CAMK1D: variants seen among roughly 807,000 people sequenced by gnomAD.
CAMK1D encodes the protein calcium/calmodulin-dependent protein kinase type 1D.
Under a neutral mutation model 47.7 loss-of-function variants are expected in CAMK1D, and 9 were observed. The observed-to-expected ratio is 0.19, with a 90% CI of 0.11 to 0.33. The LOEUF is 0.33. Among genes scored for constraint, CAMK1D ranks in the 10% least tolerant of loss-of-function variants. The pLI is 1.00. For synonymous variants in CAMK1D, 184 were observed against 184.9 expected, an observed-to-expected ratio of 0.99 and a Z score of 0.04; for missense variants, 291 against 488.7, an observed-to-expected ratio of 0.60 and a Z score of 3.81.
chr10:12,389,153 CTCCAGATTTAAGTGT>C (rs1381728385), intron 1 of CAMK1D, among the ~76,000 whole-genome samples: 6 of 151,588 alleles, frequency 4.0e-5, no homozygotes, highest in Admixed American at 2.0e-4. Context: ...ATTCCACCAG[CTCCAGATTTAAGTGT>C]TCTCTATGCT....
chr10:12,476,476 G>C (rs1833906463), intron 1 of CAMK1D, among the ~76,000 whole-genome samples: 5 of 152,080 alleles, frequency 3.3e-5, no homozygotes, highest in Admixed American at 3.3e-4. Flanking sequence ...GCAGGGTAAA[G>C]ATAATTACAA....
At chr10:12,425,513 C>T (rs1031423747) in intron 1 of CAMK1D, among the ~76,000 whole-genome samples, 15 of 152,136 alleles carry the variant, frequency 9.9e-5, no homozygotes, top group Middle Eastern at 3.2e-3. Context: ...AACTCCTGAC[C>T]TCGGGTGAAC....
intron 3 of CAMK1D, 153 bp downstream of exon 3, chr10:12,666,963 T>A: frequency 1.6e-6 from 1 of 641,386 alleles, no homozygotes; most frequent in Non-Finnish European, 2.8e-6. Flanking sequence ...TGTATCCAAC[T>A]AAAGACGGTG....
At chr10:12,479,007 C>T (rs1833983731) in intron 1 of CAMK1D, among the ~76,000 whole-genome samples, 1 of 152,170 alleles carries the variant, frequency 6.6e-6, no homozygotes, top group Non-Finnish European at 1.5e-5. Context: ...GCCCAATTAA[C>T]TCTTTTTTTA....
At chr10:12,645,354 G>T (rs1839783347) in intron 2 of CAMK1D, among the ~76,000 whole-genome samples, 1 of 152,148 alleles carries the variant, frequency 6.6e-6, no homozygotes, top group Non-Finnish European at 1.5e-5. Flanking sequence ...GTCTTCACTT[G>T]CTGTCTGTAT....
chr10:12,680,057 A>G (rs1010375501), intron 3 of CAMK1D, among the ~76,000 whole-genome samples: 1 of 152,206 alleles, frequency 6.6e-6, no homozygotes, highest in African/African-American at 2.4e-5. Flanking sequence ...AATCTGTACT[A>G]ATCATTACAC....
chr10:12,583,712 C>T (rs1465717270), intron 2 of CAMK1D, among the ~76,000 whole-genome samples: 5 of 151,964 alleles, frequency 3.3e-5, no homozygotes, highest in Non-Finnish European at 5.9e-5. Flanking sequence ...AGTGATTCTC[C>T]TGCCTCAGCC....
Position 12,365,647 on chromosome 10 carries a change from C to T in CAMK1D, c.92+15737C>T, listed in dbSNP as rs895757718. 2.0e-5 allele frequency among the ~76,000 whole-genome samples: 3 copies of T among 151,782 alleles called. No individual in the cohort carries two copies. In the South Asian group the frequency reaches 6.3e-4, roughly 32 times the overall value. On this transcript the variant is annotated intron_variant, in intron 1 of 10. Coordinates refer to ENST00000619168, the MANE Select transcript of CAMK1D (RefSeq NM_153498.4). ...TAGAGACAGGGTTTCACCGTGTTAG[C>T]CAGGATGGTCTCGATCTGCTGACCT...
rs1201816101 is a variant in CAMK1D at position 12,448,209 on chromosome 10, A to AT, written c.92+98306dup. ...TATTTTTACTTATTTTTATTTATTT[A>AT]TTTTTTTGTTTCTCTATATTGCCCA... On this transcript the variant is annotated intron_variant, in intron 1 of 10. Coordinates refer to ENST00000619168, the MANE Select transcript of CAMK1D (RefSeq NM_153498.4). 2.3e-5 allele frequency among the ~76,000 whole-genome samples: 3 copies of AT among 132,568 alleles called. No homozygotes were observed. In the South Asian group the frequency reaches 7.3e-4, roughly 32 times the overall value. The allele number at this position is 132,568 out of a possible 152,430, so 87.0% of individuals were successfully genotyped here.
At chr10:12,545,442 C>A (rs1836332086) in intron 1 of CAMK1D, among the ~76,000 whole-genome samples, 1 of 129,772 alleles carries the variant, frequency 7.7e-6, no homozygotes, top group Admixed American at 8.3e-5. Context: ...GAGCGAGACT[C>A]CATCTCACAG....
intron 2 of CAMK1D, among the ~76,000 whole-genome samples, chr10:12,643,123 G>GC (rs1379339257): frequency 1.3e-5 from 2 of 152,052 alleles, no homozygotes; most frequent in Non-Finnish European, 1.5e-5. Flanking sequence ...TGCCTTAGCA[G>GC]CCTGAGTAGC....
chr10:12,555,769 A>G (rs886987906), intron 2 of CAMK1D, among the ~76,000 whole-genome samples: 2 of 152,218 alleles, frequency 1.3e-5, no homozygotes, highest in African/African-American at 2.4e-5. Context: ...ATCGAGGGTG[A>G]TGACTGTATT....
At chr10:12,469,205 T>C (rs797017881) in intron 1 of CAMK1D, among the ~76,000 whole-genome samples, 37 of 152,138 alleles carry the variant, frequency 2.4e-4, no homozygotes, top group African/African-American at 8.9e-4. Flanking sequence ...GGGTCTCCTC[T>C]GAATGGGAAC....
chr10:12,769,644 G>T lies in CAMK1D; in HGVS notation c.439-29G>T, dbSNP rs533902194. On this transcript the variant is annotated intron_variant, in intron 4 of 10. Coordinates refer to ENST00000619168, the MANE Select transcript of CAMK1D (RefSeq NM_153498.4). ...ATTAACCCAGCTTTACACGTAGTTT[G>T]TAATGTTTTTTTCTTATTTTCTTTC... The T allele has an allele frequency of 4.3e-6, 7 of 1,612,508 alleles. No individual in the cohort carries two copies. In the South Asian group the frequency reaches 7.7e-5, roughly 18 times the overall value.
At chr10:12,574,387 T>C (rs12266335) in intron 2 of CAMK1D, among the ~76,000 whole-genome samples, 46,358 of 150,822 alleles carry the variant, frequency 0.31, 8,646 homozygotes, top group African/African-American at 0.53. Flanking sequence ...CTGCAACCTC[T>C]GCTTCCTAGG....
At chr10:12,780,106 C>T (rs902056281) in intron 5 of CAMK1D, among the ~76,000 whole-genome samples, 8 of 152,040 alleles carry the variant, frequency 5.3e-5, no homozygotes, top group African/African-American at 9.7e-5. Flanking sequence ...TCAACATTCT[C>T]GGTGTATTTT....
At chr10:12,626,631 A>T (rs916978635) in intron 2 of CAMK1D, among the ~76,000 whole-genome samples, 1 of 151,862 alleles carries the variant, frequency 6.6e-6, no homozygotes, top group Admixed American at 6.6e-5. Context: ...ATGCCACAAC[A>T]TCTGGCTAAT....
At chr10:12,510,770 G>A (rs750090955) in intron 1 of CAMK1D, among the ~76,000 whole-genome samples, 2 of 152,198 alleles carry the variant, frequency 1.3e-5, no homozygotes, top group African/African-American at 4.8e-5. Flanking sequence ...ATGTACAAGC[G>A]TGGCATTTTC....
At chr10:12,827,951 A>G (rs1045684339) in intron 10 of CAMK1D, among the ~76,000 whole-genome samples, 1 of 152,182 alleles carries the variant, frequency 6.6e-6, no homozygotes, top group African/African-American at 2.4e-5. Context: ...AAGTGTTGAG[A>G]TTACAGGCGT....
Sources: gnomAD v4.1 joint callset for allele counts (sites outside exome capture counted in the v4.1 genomes callset) on GRCh38, gnomAD v4.1.1 for gene constraint, MANE v1.5 for transcripts, NCBI Gene and HGNC (gene_info 2026-07-23, HGNC 2026-07-21) for gene names.